SNX13: variants seen among roughly 807,000 people sequenced by gnomAD.
The protein encoded by SNX13 is sorting nexin-13.
In SNX13, 45 loss-of-function variants were observed where a neutral mutation model predicts 133.6. That is an observed-to-expected ratio of 0.34 (90% CI 0.27 to 0.43). The LOEUF (loss-of-function observed/expected upper bound fraction) is 0.43, where lower values mean the gene tolerates loss of function less well. Ranked by LOEUF, SNX13 falls within the 20% of genes least tolerant of loss-of-function variation. The probability of loss-of-function intolerance (pLI) is 1.00; values close to 1 mark genes in which losing one functional copy is unlikely to be tolerated. For synonymous variants in SNX13, 414 were observed against 373.9 expected (o/e 1.11, Z -1.24); for missense variants, 1,032 against 1,145.1 (o/e 0.90, Z 1.43).
At chr7:17,898,191 A>G (rs541342485) in intron 1 of SNX13, 1 of 152,292 alleles carries the variant, frequency 6.6e-6, no homozygotes, top group Admixed American at 6.5e-5. Flanking sequence ...GAATAAATAC[A>G]TGTGTTCAAT....
chr7:17,814,086 C>T (rs1786370752), intron 20 of SNX13, among the ~76,000 whole-genome samples: 1 of 152,138 alleles, frequency 6.6e-6, no homozygotes, highest in African/African-American at 2.4e-5. Flanking sequence ...CCCCACTGCT[C>T]CTCCTGCTCC....
intron 13 of SNX13, 31 bp from the exon 14 acceptor site, chr7:17,834,896 T>A (rs1400896955): frequency 7.8e-7 from 1 of 1,284,078 alleles, no homozygotes; most frequent in Non-Finnish European, 1.1e-6. Flanking sequence ...TAATGATCTC[T>A]GTAATTTCTT....
rs1346175112 is a variant in SNX13, at chr7:17,821,560, G to C, written c.1794C>G (p.Thr598=). 1 of 1,613,574 alleles carries C rather than the reference G, an allele frequency of 6.2e-7. No homozygotes were observed. The highest frequency in any genetic ancestry group is 8.5e-7 in the Non-Finnish European group (1 of 1,179,674). ...CATGGAAGTCACTATAACGACGATAGGTTTTCCACATCTCCTCACTGTTTA... is the reference window on the plus strand; with the variant it reads ...CATGGAAGTCACTATAACGACGATACGTTTTCCACATCTCCTCACTGTTTA... ...RNLNSEEMWK[T]YRRYSDFHDF... Residue 598 remains threonine (T), a synonymous_variant, in exon 18 of 26, where the codon ACC becomes ACG. Coordinates refer to ENST00000428135, the MANE Select transcript of SNX13 (RefSeq NM_015132.5).
chr7:17,828,812 A>T (rs898861333), intron 16 of SNX13, among the ~76,000 whole-genome samples: 8 of 151,478 alleles, frequency 5.3e-5, no homozygotes, highest in African/African-American at 1.7e-4. Context: ...AAGAAAAAAA[A>T]TTTTTTACTA....
At chr7:17,802,055 G>A (rs995118406) in intron 21 of SNX13, among the ~76,000 whole-genome samples, 1 of 151,908 alleles carries the variant, frequency 6.6e-6, no homozygotes, top group African/African-American at 2.4e-5. Flanking sequence ...TTTCTGTGTC[G>A]ATATATTTAG....
chr7:17,831,712 A>C (rs1271718237), intron 15 of SNX13: 1 of 983,978 alleles, frequency 1.0e-6, no homozygotes, highest in African/African-American at 1.7e-5. Context: ...AGGTGGTCAA[A>C]ATTTCAGAAT....
At chr7:17,840,090 G>A in intron 12 of SNX13, 90 bp from the exon 13 acceptor site, 1 of 1,044,038 alleles carries the variant, frequency 9.6e-7, no homozygotes, top group African/African-American at 1.7e-5. Flanking sequence ...AAGGATTAAA[G>A]TTTCAAGTGT....
At chr7:17,883,829 C>T (rs1192578210) in intron 5 of SNX13, among the ~76,000 whole-genome samples, 1 of 152,014 alleles carries the variant, frequency 6.6e-6, no homozygotes, top group Non-Finnish European at 1.5e-5. Flanking sequence ...GTTTGGTTTT[C>T]TGTTCTTGTG....
chr7:17,910,386 C>A (rs140822798), intron 1 of SNX13, among the ~76,000 whole-genome samples: 1 of 152,146 alleles, frequency 6.6e-6, no homozygotes, highest in African/African-American at 2.4e-5. Flanking sequence ...TCAAACAAAA[C>A]GACTAATTTT....
intron 24 of SNX13, among the ~76,000 whole-genome samples, chr7:17,798,021 C>T (rs1036187605): frequency 5.3e-5 from 8 of 151,854 alleles, no homozygotes; most frequent in Non-Finnish European, 1.2e-4. Context: ...GTGTTCAATA[C>T]TGATAGTTCC....
At chr7:17,916,217 C>T (rs1326219444) in intron 1 of SNX13, among the ~76,000 whole-genome samples, 3 of 151,930 alleles carry the variant, frequency 2.0e-5, no homozygotes, top group Non-Finnish European at 4.4e-5. Context: ...AACCTCACCT[C>T]GCACCTAAAA....
intron 1 of SNX13, among the ~76,000 whole-genome samples, chr7:17,922,912 C>T (rs564433342): frequency 7.2e-5 from 11 of 152,128 alleles, no homozygotes; most frequent in African/African-American, 1.7e-4. Context: ...AAAATGAAAA[C>T]GGTAAACAAT....
intron 22 of SNX13, among the ~76,000 whole-genome samples, chr7:17,800,353 A>C (rs1380625006): frequency 1.3e-5 from 2 of 151,774 alleles, no homozygotes; most frequent in African/African-American, 4.8e-5. Flanking sequence ...AATCTGCCTA[A>C]TAGAACAGAA....
chr7:17,826,186 T>A (rs2128305976), intron 16 of SNX13, 95 bp from the exon 17 acceptor site: 1 of 670,376 alleles, frequency 1.5e-6, no homozygotes. Flanking sequence ...CAATTACTCA[T>A]TTCCCTGCAT....
intron 1 of SNX13, among the ~76,000 whole-genome samples, chr7:17,934,518 T>C (rs4541809): frequency 0.16 from 24,047 of 152,138 alleles, 2,003 homozygotes; most frequent in Middle Eastern, 0.26. Flanking sequence ...CTGCCTTCCA[T>C]GTGGGCAGGC....
At position 17,801,652 on chromosome 7, in the gene SNX13, G is replaced by A; in HGVS notation, c.2234C>T (p.Pro745Leu). 1 of 1,606,318 alleles carries A rather than the reference G, an allele frequency of 6.2e-7. No individual in the cohort carries two copies. Among genetic ancestry groups the A allele is most frequent in the Non-Finnish European group, 8.5e-7 (1 of 1,176,474 alleles). The stretch of plus-strand genomic sequence containing the variant: ...GTCTGAATCAGTCTTAGGAATTAAA[G>A]GAGGCACCTAAAAATAAAACCAAAT... The part of the protein sequence containing the change: ...DIKQSFFKVP[P>L]LIPKTDSDPE... The change falls in exon 22 of 26, where the codon CCT becomes CTT. Residue 745 changes from proline (P) to leucine (L), a missense_variant. By Grantham distance (98) the Pro-to-Leu change is moderately conservative. Coordinates refer to ENST00000428135, the MANE Select transcript of SNX13 (RefSeq NM_015132.5).
chr7:17,893,550 C>T, intron 2 of SNX13, 116 bp from the exon 3 acceptor site: 1 of 644,246 alleles, frequency 1.6e-6, no homozygotes, highest in South Asian at 2.3e-5. Flanking sequence ...ACTAAAAAGT[C>T]AATTTGTGAC....
At chr7:17,850,495 C>T in intron 10 of SNX13, 60 bp from the exon 11 acceptor site, 1 of 985,288 alleles carries the variant, frequency 1.0e-6, no homozygotes, top group South Asian at 1.8e-5. Context: ...ATACTTTAAA[C>T]ATGCACTTAC....
intron 1 of SNX13, among the ~76,000 whole-genome samples, chr7:17,933,415 C>T (rs565118121): frequency 1.3e-5 from 2 of 152,144 alleles, no homozygotes; most frequent in Non-Finnish European, 2.9e-5. Flanking sequence ...TGCTGGCACG[C>T]GCCTGTAGTC....
Sources: allele counts gnomAD v4.1 joint callset (sites outside exome capture counted in the v4.1 genomes callset), GRCh38; gene constraint gnomAD v4.1.1; transcripts MANE v1.5; gene names NCBI Gene and HGNC (gene_info 2026-07-23, HGNC 2026-07-21).